ENTREP2: variants seen among roughly 807,000 people sequenced by gnomAD.
ENTREP2 encodes endosomal transmembrane epsin interactor 2.
At chr15:29,523,964 A>G in the ENTREP2 span, among the ~76,000 whole-genome samples, 1 of 152,294 alleles carries the variant, frequency 6.6e-6, no homozygotes, top group Non-Finnish European at 1.5e-5. Context: ...AATTTTCATG[A>G]TGTTGGATTA....
chr15:29,402,386 GC>G, the ENTREP2 span, among the ~76,000 whole-genome samples: 1,705 of 151,854 alleles, frequency 0.011, 32 homozygotes, highest in African/African-American at 0.039. Flanking sequence ...CATGATCACA[GC>G]TCACTGTGAC....
chr15:29,550,705 A>C, the ENTREP2 span, among the ~76,000 whole-genome samples: 1 of 152,248 alleles, frequency 6.6e-6, no homozygotes. Context: ...TCTAATTTAA[A>C]TAAAATTCAT....
chr15:29,531,349 T>C, the ENTREP2 span, among the ~76,000 whole-genome samples: 1 of 152,164 alleles, frequency 6.6e-6, no homozygotes, highest in Non-Finnish European at 1.5e-5. Flanking sequence ...GCCATCATCA[T>C]TTAACATCTT....
At chr15:29,657,931 A>G in the ENTREP2 span, among the ~76,000 whole-genome samples, 20 of 152,326 alleles carry the variant, frequency 1.3e-4, no homozygotes, top group African/African-American at 3.8e-4. Context: ...AGATACACAT[A>G]ACAGCATCAA....
chr15:29,512,475 C>T, the ENTREP2 span, among the ~76,000 whole-genome samples: 6 of 152,124 alleles, frequency 3.9e-5, no homozygotes, highest in African/African-American at 1.4e-4. Flanking sequence ...CTGCGTCCTC[C>T]CAAAATTCGT....
the ENTREP2 span, chr15:29,195,193 T>C: frequency 3.0e-6 from 3 of 985,418 alleles, no homozygotes; most frequent in Non-Finnish European, 3.6e-6. Context: ...TCTGGTGAGC[T>C]GCTGGGACCA....
chr15:29,657,208 G>C, the ENTREP2 span, among the ~76,000 whole-genome samples: 58 of 149,340 alleles, frequency 3.9e-4, no homozygotes, highest in Non-Finnish European at 7.4e-4. Context: ...CCACCACGCC[G>C]CGCCAGCTTT....
chr15:29,174,899 C>T, the ENTREP2 span, among the ~76,000 whole-genome samples: 1 of 152,184 alleles, frequency 6.6e-6, no homozygotes, highest in Non-Finnish European at 1.5e-5. Flanking sequence ...AAATATTCTG[C>T]TCAGAGTATA....
the ENTREP2 span, among the ~76,000 whole-genome samples, chr15:29,426,368 T>C: frequency 2.0e-5 from 3 of 152,258 alleles, no homozygotes; most frequent in Non-Finnish European, 2.9e-5. Context: ...ATGTGATTAT[T>C]TTCTGTAGCC....
the ENTREP2 span, among the ~76,000 whole-genome samples, chr15:29,657,215 C>CTT: frequency 0.032 from 4,677 of 146,588 alleles, 215 homozygotes; most frequent in African/African-American, 0.1. Context: ...GCCGCGCCAG[C>CTT]TTTTTTTTTT....
chr15:29,231,980 C>CCCAGGTTCAAGCGATTCT, the ENTREP2 span, among the ~76,000 whole-genome samples: 1 of 150,274 alleles, frequency 6.7e-6, no homozygotes, highest in Admixed American at 6.7e-5. Context: ...ACCTCCGCCT[C>CCCAGGTTCAAGCGATTCT]CCAGGTTCAA....
chr15:29,326,789 C>G, the ENTREP2 span, among the ~76,000 whole-genome samples: 5 of 152,076 alleles, frequency 3.3e-5, no homozygotes, highest in African/African-American at 9.7e-5. Context: ...AGTTGAAGCA[C>G]TCACAATACC....
At chr15:29,667,855 T>C in the ENTREP2 span, among the ~76,000 whole-genome samples, 3 of 152,140 alleles carry the variant, frequency 2.0e-5, no homozygotes, top group Non-Finnish European at 2.9e-5. Context: ...CTATATCCTA[T>C]AGATGTAGAG....
At chr15:29,664,789 G>A in the ENTREP2 span, among the ~76,000 whole-genome samples, 3 of 152,056 alleles carry the variant, frequency 2.0e-5, no homozygotes, top group African/African-American at 4.8e-5. Context: ...GGCCAAATTT[G>A]GCCTGAATGG....
the ENTREP2 span, among the ~76,000 whole-genome samples, chr15:29,133,369 C>T: frequency 6.6e-6 from 1 of 152,194 alleles, no homozygotes; most frequent in Non-Finnish European, 1.5e-5. Context: ...GACTCAGGAG[C>T]CCTGGGGGTG....
chr15:29,551,105 C>G, the ENTREP2 span, among the ~76,000 whole-genome samples: 1 of 152,192 alleles, frequency 6.6e-6, no homozygotes. Context: ...GGCCACACAA[C>G]ATGGTTTGAA....
chr15:29,231,800 T>C, the ENTREP2 span, among the ~76,000 whole-genome samples: 1 of 151,888 alleles, frequency 6.6e-6, no homozygotes, highest in Non-Finnish European at 1.5e-5. Context: ...GAAAACCTTA[T>C]AGCAATACAG....
the ENTREP2 span, among the ~76,000 whole-genome samples, chr15:29,604,778 G>A: frequency 1.9e-3 from 284 of 152,282 alleles, 1 homozygote; most frequent in Middle Eastern, 6.8e-3. Context: ...TCCACTCTAA[G>A]GAAGCTGATT....
At chr15:29,209,965 T>C in the ENTREP2 span, among the ~76,000 whole-genome samples, 3 of 152,206 alleles carry the variant, frequency 2.0e-5, no homozygotes, top group Non-Finnish European at 4.4e-5. Context: ...TTCAACTGGA[T>C]TGTAAAGGTT....
Sources: gnomAD v4.1 joint callset for allele counts (sites outside exome capture counted in the v4.1 genomes callset) on GRCh38, gnomAD v4.1.1 for gene constraint, MANE v1.5 for transcripts, NCBI Gene and HGNC (gene_info 2026-07-23, HGNC 2026-07-21) for gene names.